The following GRIK4 variants were observed in gnomAD, a reference collection of about 807,000 sequenced individuals.
GRIK4 encodes the protein glutamate ionotropic receptor kainate type subunit 4.
A neutral mutation model predicts 104.9 loss-of-function variants in GRIK4; 40 were observed. The observed-to-expected ratio is 0.38, with a 90% CI of 0.30 to 0.50. GRIK4 has a LOEUF of 0.50. GRIK4 is among the 20% of genes least tolerant of loss of function. The pLI is 0.93. For missense variants in GRIK4, 1,047 were observed against 1,308.1 expected, an observed-to-expected ratio of 0.80 and a Z score of 3.08; for synonymous variants, 485 against 524.9, an observed-to-expected ratio of 0.92 and a Z score of 1.04.
intron 3 of GRIK4, among the ~76,000 whole-genome samples, chr11:120,692,548 A>T (rs1183500645): frequency 6.6e-6 from 1 of 152,042 alleles, no homozygotes; most frequent in Non-Finnish European, 1.5e-5. Context: ...GTGGAGGCAG[A>T]AGTGGTTTTT....
chr11:120,674,828 G>T (rs1215395769), intron 3 of GRIK4, among the ~76,000 whole-genome samples: 2 of 152,208 alleles, frequency 1.3e-5, no homozygotes, highest in East Asian at 3.9e-4. Flanking sequence ...CTCCAAGGGG[G>T]CACCAACCAC....
chr11:120,718,883 GA>G (rs1383311473), intron 3 of GRIK4, among the ~76,000 whole-genome samples: 1 of 152,210 alleles, frequency 6.6e-6, no homozygotes, highest in Non-Finnish European at 1.5e-5. Flanking sequence ...ACTACAATCA[GA>G]ATGGTTTCAG....
At chr11:120,661,677 C>T (rs1275625067) in intron 3 of GRIK4, among the ~76,000 whole-genome samples, 3 of 152,136 alleles carry the variant, frequency 2.0e-5, no homozygotes, top group Non-Finnish European at 2.9e-5. Context: ...GGTCACAGGC[C>T]GGAAGCCCAG....
In GRIK4 at chr11:120,735,407, G is replaced by C. The variant is rs552725581; in HGVS notation, c.83-67286G>C. Among the ~76,000 whole-genome samples the C allele has an allele frequency of 3.9e-5, 6 of 152,200 alleles. No homozygotes were observed. The South Asian group carries it at 1.0e-3, about 26-fold the overall frequency. The stretch of plus-strand genomic sequence containing the variant: ...AAACAAATGGCATATTTCTCTCTCT[G>C]TGCTTAGCCACCTGGAGCTGGGGGT... On this transcript the variant is annotated intron_variant, in intron 3 of 20. Transcript: ENST00000527524.
chr11:120,632,957 G>A lies in GRIK4; in HGVS notation c.-158-20728G>A, dbSNP rs1401219728. On this transcript the variant is annotated intron_variant, in intron 1 of 20. Coordinates refer to ENST00000527524, the MANE Select transcript of GRIK4 (RefSeq NM_014619.5). ...CCTTTGGCCCTCACAAATAAGCCAT[G>A]AGATGGGCTGGTTCTATCATCAGCC... Among the ~76,000 whole-genome samples, 4 of 152,098 alleles carry A rather than the reference G, an allele frequency of 2.6e-5. No individual in the cohort carries two copies. In the East Asian group the frequency reaches 7.7e-4, roughly 29 times the overall value.
At chr11:120,770,906 A>G (rs1291640492) in intron 3 of GRIK4, among the ~76,000 whole-genome samples, 1 of 152,212 alleles carries the variant, frequency 6.6e-6, no homozygotes, top group Non-Finnish European at 1.5e-5. Context: ...TGCATCTGCC[A>G]GCACTCCATA....
chr11:120,971,331 A>G (rs774856609), intron 19 of GRIK4, among the ~76,000 whole-genome samples: 6 of 152,242 alleles, frequency 3.9e-5, no homozygotes, highest in Non-Finnish European at 7.3e-5. Flanking sequence ...ATCACCTGCC[A>G]TCAGTATTTG....
chr11:120,753,319 G>A (rs965132494), intron 3 of GRIK4, among the ~76,000 whole-genome samples: 3 of 147,524 alleles, frequency 2.0e-5, no homozygotes, highest in African/African-American at 7.9e-5. Context: ...GTGTGTGTGT[G>A]TGTGTGTGTG....
intron 3 of GRIK4, among the ~76,000 whole-genome samples, chr11:120,735,262 A>G (rs149186161): frequency 1.3e-5 from 2 of 152,328 alleles, no homozygotes; most frequent in African/African-American, 4.8e-5. Flanking sequence ...CCCCAAGCCT[A>G]GTAATGCTGT....
intron 8 of GRIK4, among the ~76,000 whole-genome samples, chr11:120,843,681 A>G (rs1035470632): frequency 8.2e-6 from 1 of 121,692 alleles, no homozygotes. Context: ...TGGGTGAGCT[A>G]TTTTACCTTG....
At chr11:120,661,242 A>G (rs537244325) in intron 3 of GRIK4, among the ~76,000 whole-genome samples, 3 of 152,264 alleles carry the variant, frequency 2.0e-5, no homozygotes, top group African/African-American at 4.8e-5. Context: ...CTATGTGTAC[A>G]TCGGGGGATG....
At chr11:120,745,995 A>C (rs772577969) in intron 3 of GRIK4, among the ~76,000 whole-genome samples, 2 of 152,100 alleles carry the variant, frequency 1.3e-5, no homozygotes, top group Non-Finnish European at 2.9e-5. Flanking sequence ...GCTCTTAATG[A>C]GTTTGGGACT....
intron 9 of GRIK4, chr11:120,872,059 T>G: frequency 2.6e-6 from 1 of 378,044 alleles, no homozygotes; most frequent in Non-Finnish European, 5.3e-6. Context: ...CCTTACTTAG[T>G]TCAGTCAACA....
intron 11 of GRIK4, among the ~76,000 whole-genome samples, chr11:120,881,534 C>T (rs1954968441): frequency 6.6e-6 from 1 of 152,190 alleles, no homozygotes; most frequent in Admixed American, 6.5e-5. Context: ...GGGGCTGGCT[C>T]TCTGGAATGA....
At chr11:120,861,093 CTTTTTTTTT>C (rs547199127) in intron 8 of GRIK4, among the ~76,000 whole-genome samples, 1 of 86,570 alleles carries the variant, frequency 1.2e-5, no homozygotes, top group South Asian at 4.0e-4. Flanking sequence ...AAATCATCCT[CTTTTTTTTT>C]TTTTTTTTTT....
chr11:120,824,200 G>A (rs1953195246), intron 6 of GRIK4, among the ~76,000 whole-genome samples: 1 of 152,236 alleles, frequency 6.6e-6, no homozygotes, highest in African/African-American at 2.4e-5. Context: ...GGACCAAGTA[G>A]AGAGAGATTG....
At chr11:120,914,046 G>A (rs908830673) in intron 13 of GRIK4, among the ~76,000 whole-genome samples, 2 of 152,216 alleles carry the variant, frequency 1.3e-5, no homozygotes, top group African/African-American at 2.4e-5. Flanking sequence ...CGAGGGCTTT[G>A]CTTTACCTTC....
Position 120,986,350 on chromosome 11 carries a change from T to C in GRIK4, c.*90T>C. The C allele has an allele frequency of 4.4e-6, 6 of 1,376,282 alleles. No homozygotes were observed. The highest frequency in any genetic ancestry group is 5.7e-6 in the Non-Finnish European group (6 of 1,061,248). The allele number at this position is 1,376,282 out of a possible 1,614,324, so 85.3% of individuals were successfully genotyped here. On this transcript the variant is annotated 3_prime_UTR_variant, in exon 21 of 21. Transcript: ENST00000527524. ...GCTGTCAGCCGCCAGCCGGAACTTG[T>C]ACAGCGTCGACACCTCTCCAGATTT...
At chr11:120,730,495 T>C (rs184942095) in intron 3 of GRIK4, among the ~76,000 whole-genome samples, 3 of 152,356 alleles carry the variant, frequency 2.0e-5, no homozygotes, top group African/African-American at 7.2e-5. Context: ...TGAAGTCCAG[T>C]AATATGATCC....
Sources: gnomAD v4.1 joint callset for allele counts (sites outside exome capture counted in the v4.1 genomes callset) on GRCh38, gnomAD v4.1.1 for gene constraint, MANE v1.5 for transcripts, NCBI Gene and HGNC (gene_info 2026-07-23, HGNC 2026-07-21) for gene names.